STIM1: variants seen among roughly 807,000 people sequenced by gnomAD.
STIM1 encodes stromal interaction molecule 1.
A neutral mutation model predicts 74.7 loss-of-function variants in STIM1; 25 were observed. The observed-to-expected ratio is 0.33, with a 90% CI of 0.24 to 0.47. The LOEUF is 0.47. Ranked by LOEUF, STIM1 falls within the 20% of genes least tolerant of loss-of-function variation. The probability of loss-of-function intolerance (pLI) is 1.00; values close to 1 mark genes in which losing one functional copy is unlikely to be tolerated. For missense variants in STIM1, 728 were observed against 920.8 expected, an observed-to-expected ratio of 0.79 and a Z score of 2.71; for synonymous variants, 328 against 348.8, an observed-to-expected ratio of 0.94 and a Z score of 0.66.
intron 2 of STIM1, among the ~76,000 whole-genome samples, chr11:3,999,192 A>G (rs1428784418): frequency 6.6e-6 from 1 of 152,154 alleles, no homozygotes; most frequent in African/African-American, 2.4e-5. Context: ...CAAAAAATGA[A>G]GAAAAAATTA....
rs1251836343 is a variant in STIM1, at chr11:4,071,264, GA to G, written c.791+1063del. Reference sequence around the variant, plus strand: ...GACTGTCTTTTAGAAAATGATTCTGGAAGCCTAGGGACTCTAGTTGGGAAGT... The same window carrying G: ...GACTGTCTTTTAGAAAATGATTCTGGAGCCTAGGGACTCTAGTTGGGAAGT... On this transcript the variant is annotated intron_variant, in intron 6 of 12. Transcript: ENST00000526596. Among the ~76,000 whole-genome samples the G allele has an allele frequency of 2.9e-3, 441 of 152,262 alleles. 8 individuals are homozygous for G. Among genetic ancestry groups the G allele is most frequent in the Non-Finnish European group, 2.4e-4 (16 of 68,028 alleles).
chr11:3,979,782 C>G (rs556365445), intron 2 of STIM1, among the ~76,000 whole-genome samples: 1 of 152,306 alleles, frequency 6.6e-6, no homozygotes, highest in Non-Finnish European at 1.5e-5. Context: ...CCGCTTCGGT[C>G]TGGCTCCAAT....
intron 2 of STIM1, among the ~76,000 whole-genome samples, chr11:3,978,555 G>A (rs906808826): frequency 2.0e-5 from 3 of 150,488 alleles, no homozygotes; most frequent in Admixed American, 2.0e-4. Context: ...GAGGTCAGGA[G>A]TTTGAGACCA....
intron 6 of STIM1, among the ~76,000 whole-genome samples, chr11:4,074,209 G>A (rs2094423486): frequency 6.6e-6 from 1 of 152,140 alleles, no homozygotes; most frequent in Non-Finnish European, 1.5e-5. Context: ...CTTGTAAACT[G>A]GTACTTGTTA....
chr11:3,915,619 G>C (rs886585853), intron 1 of STIM1, among the ~76,000 whole-genome samples: 1 of 151,884 alleles, frequency 6.6e-6, no homozygotes. Flanking sequence ...GGATGGTCTC[G>C]ATCTCCTGAC....
intron 1 of STIM1, among the ~76,000 whole-genome samples, chr11:3,941,758 C>T (rs1193724911): frequency 1.3e-5 from 2 of 151,504 alleles, no homozygotes; most frequent in African/African-American, 4.9e-5. Flanking sequence ...ATGATCATGG[C>T]TCACTGCAGT....
At chr11:4,070,835 G>T (rs2094398783) in intron 6 of STIM1, among the ~76,000 whole-genome samples, 1 of 152,220 alleles carries the variant, frequency 6.6e-6, no homozygotes, top group Non-Finnish European at 1.5e-5. Context: ...TGTGAAAAGA[G>T]AGTGCCCGTC....
At chr11:3,888,070 G>C (rs998345895) in intron 1 of STIM1, 2 of 151,946 alleles carry the variant, frequency 1.3e-5, no homozygotes, top group African/African-American at 4.8e-5. Context: ...GCTCTTCCCT[G>C]TTCTGCACTT....
chr11:3,919,411 G>A (rs1301259496), intron 1 of STIM1, among the ~76,000 whole-genome samples: 2 of 151,988 alleles, frequency 1.3e-5, no homozygotes, highest in Non-Finnish European at 1.5e-5. Context: ...CACCATCTTG[G>A]CCAGGCTGGT....
chr11:3,937,558 A>G (rs924880851), intron 1 of STIM1, among the ~76,000 whole-genome samples: 3 of 152,136 alleles, frequency 2.0e-5, no homozygotes, highest in African/African-American at 7.2e-5. Context: ...CTTTCACAGA[A>G]TGTGGTTTCT....
intron 12 of STIM1, 43 bp downstream of exon 12, chr11:4,086,586 A>C (rs1329862407): frequency 6.2e-7 from 1 of 1,612,862 alleles, no homozygotes; most frequent in East Asian, 2.2e-5. Flanking sequence ...CAAGCCGGGT[A>C]TCTCTGCGGC....
chr11:3,886,807 T>C (rs996944657), intron 1 of STIM1, among the ~76,000 whole-genome samples: 3 of 149,052 alleles, frequency 2.0e-5, no homozygotes, highest in African/African-American at 2.5e-5. Flanking sequence ...ATCGAGATCA[T>C]CCTGGATAAC....
intron 1 of STIM1, among the ~76,000 whole-genome samples, chr11:3,924,525 C>T (rs2092764275): frequency 6.6e-6 from 1 of 151,926 alleles, no homozygotes; most frequent in South Asian, 2.1e-4. Flanking sequence ...GTTTTTTTCC[C>T]CCCTAAGTAT....
intron 1 of STIM1, among the ~76,000 whole-genome samples, chr11:3,869,130 G>C (rs572886964): frequency 2.0e-5 from 3 of 152,018 alleles, no homozygotes; most frequent in Non-Finnish European, 4.4e-5. Context: ...CACCATGCTC[G>C]GTTAATTTTT....
chr11:4,058,781 A>T lies in STIM1; in HGVS notation c.498-500A>T, dbSNP rs1026984201. On this transcript the variant is annotated intron_variant, in intron 4 of 12. Coordinates refer to ENST00000526596, the MANE Select transcript of STIM1 (RefSeq NM_001382567.1). Reference sequence around the variant, plus strand: ...TTTTTGTCATCAGTGGTTAATTAAAATTTTTTTTCCTTTTCTATATTTCAT... The same window carrying T: ...TTTTTGTCATCAGTGGTTAATTAAATTTTTTTTTCCTTTTCTATATTTCAT... The T allele has an allele frequency of 4.9e-5, 48 of 985,138 alleles. No homozygotes were observed. The Admixed American group carries it at 4.9e-4, about 10-fold the overall frequency. 61.0% of individuals were successfully genotyped at this position (985,138 alleles called of 1,614,324 possible).
At chr11:3,994,780 G>A (rs1398458199) in intron 2 of STIM1, among the ~76,000 whole-genome samples, 1 of 151,860 alleles carries the variant, frequency 6.6e-6, no homozygotes, top group Non-Finnish European at 1.5e-5. Context: ...TCATATATTG[G>A]TGTGATTAAT....
chr11:4,056,554 G>A (rs1391836178), intron 4 of STIM1, among the ~76,000 whole-genome samples: 1 of 152,172 alleles, frequency 6.6e-6, no homozygotes, highest in Non-Finnish European at 1.5e-5. Flanking sequence ...TATTATGTAG[G>A]TGCATCTGGT....
At chr11:3,923,118 A>G (rs2092740725) in intron 1 of STIM1, among the ~76,000 whole-genome samples, 1 of 151,790 alleles carries the variant, frequency 6.6e-6, no homozygotes, top group Admixed American at 6.6e-5. Context: ...AAAAAAAACA[A>G]ACACTCTTTG....
chr11:4,053,115 C>G (rs558482171), intron 3 of STIM1, among the ~76,000 whole-genome samples: 5 of 152,132 alleles, frequency 3.3e-5, no homozygotes, highest in Admixed American at 6.6e-5. Context: ...AAATAGGAAC[C>G]CTTTTACACT....
Sources: gnomAD v4.1 joint callset for allele counts (sites outside exome capture counted in the v4.1 genomes callset) on GRCh38, gnomAD v4.1.1 for gene constraint, MANE v1.5 for transcripts, NCBI Gene and HGNC (gene_info 2026-07-23, HGNC 2026-07-21) for gene names.